EPS15: variants seen among roughly 807,000 people sequenced by gnomAD.
EPS15 encodes epidermal growth factor receptor substrate 15.
Under a neutral mutation model 113.8 loss-of-function variants are expected in EPS15, and 72 were observed. The observed-to-expected ratio is 0.63, with a 90% CI of 0.52 to 0.77. The LOEUF is 0.77. Among genes scored for constraint, EPS15 ranks in the 30% least tolerant of loss-of-function variants. The pLI, the probability that EPS15 is intolerant of heterozygous loss-of-function variation, is 0.00. For synonymous variants in EPS15, 344 were observed against 363.4 expected, an observed-to-expected ratio of 0.95 and a Z score of 0.61; for missense variants, 1,048 against 1,045.8, an observed-to-expected ratio of 1.00 and a Z score of -0.03.
In EPS15 at chr1:51,402,608, C is replaced by G. The variant is rs1378626980; in HGVS notation, c.1792-83G>C. 5.6e-6 allele frequency: 4 copies of G among 717,272 alleles called. No individual in the cohort carries two copies. In the East Asian group the frequency reaches 1.2e-4, roughly 21 times the overall value. The allele number at this position is 717,272 out of a possible 1,614,324, so 44.4% of individuals were successfully genotyped here. The stretch of plus-strand genomic sequence containing the variant: ...ATTTTAAAATAAAATAACACACATT[C>G]AGGTCATACACATGCTTTGAAAAAT... On this transcript the variant is annotated intron_variant, in intron 17 of 24. Coordinates refer to ENST00000371733, the MANE Select transcript of EPS15 (RefSeq NM_001981.3).
rs368903292 is a variant in EPS15 at position 51,483,730 on chromosome 1, C to T, written c.34-2416G>A. Among the ~76,000 whole-genome samples, 159 of 151,498 alleles carry T rather than the reference C, an allele frequency of 1.0e-3. 1 individual carries two copies. The highest frequency in any genetic ancestry group is 3.7e-3 in the African/African-American group (153 of 41,260). ...CTGAGGCAGGGGAATTGCTTGAACCCGGGAGGTGGAGGTTGCAGTGAGCTG... is the reference window on the plus strand; with the variant it reads ...CTGAGGCAGGGGAATTGCTTGAACCTGGGAGGTGGAGGTTGCAGTGAGCTG... On this transcript the variant is annotated intron_variant, in intron 1 of 24. Coordinates refer to ENST00000371733, the MANE Select transcript of EPS15 (RefSeq NM_001981.3).
At chr1:51,422,142 C>CAAG in intron 12 of EPS15, 1 of 751,776 alleles carries the variant, frequency 1.3e-6, no homozygotes. Context: ...TCAGGTTTCA[C>CAAG]TGATGTCACT....
intron 14 of EPS15, 99 bp downstream of exon 14, chr1:51,409,436 C>T (rs1376204721): frequency 4.3e-6 from 5 of 1,170,918 alleles, no homozygotes; most frequent in African/African-American, 3.1e-5. Flanking sequence ...GATTGCCAAC[C>T]ACCACCATCA....
chr1:51,420,366 C>A (rs765173505), intron 13 of EPS15, among the ~76,000 whole-genome samples: 7 of 151,998 alleles, frequency 4.6e-5, no homozygotes, highest in Non-Finnish European at 8.8e-5. Context: ...AGGGAAAAAC[C>A]AACAGGTAGA....
At position 51,430,509 on chromosome 1, in the gene EPS15, A is replaced by G. The variant is rs1455848169; in HGVS notation, c.1041-8651T>C. 2.0e-5 allele frequency among the ~76,000 whole-genome samples: 3 copies of G among 151,406 alleles called. No homozygotes were observed. The East Asian group carries it at 5.8e-4, about 29-fold the overall frequency. On this transcript the variant is annotated intron_variant, in intron 12 of 24. Coordinates refer to ENST00000371733, the MANE Select transcript of EPS15 (RefSeq NM_001981.3). ...CTTGAACCTGAAAGATGGAGGCTGC[A>G]GTGAGCCAAGATCGTGTCACTGCAC... is the stretch of plus-strand genomic sequence containing the variant.
intron 1 of EPS15, among the ~76,000 whole-genome samples, chr1:51,500,098 T>C (rs1270663053): frequency 6.6e-6 from 1 of 152,260 alleles, no homozygotes; most frequent in Non-Finnish European, 1.5e-5. Context: ...TTAAGATTTT[T>C]CCTTCTTGTA....
chr1:51,447,996 T>C (rs765069688), intron 9 of EPS15, 50 bp downstream of exon 9: 2 of 1,600,662 alleles, frequency 1.2e-6, no homozygotes, highest in African/African-American at 1.3e-5. Flanking sequence ...GTAAGATTCC[T>C]TGGCTGATGC....
chr1:51,469,278 G>T (rs1405873577), intron 4 of EPS15, among the ~76,000 whole-genome samples: 2 of 152,152 alleles, frequency 1.3e-5, no homozygotes, highest in African/African-American at 4.8e-5. Flanking sequence ...TGGATTGTGA[G>T]ATTATAAATT....
rs1654417072 is a variant in EPS15 at position 51,461,216 on chromosome 1, A to C, written c.502-66T>G. ...AGTTCATGTTCTACTCGAGGGCAAGAAAAGAAAGTTTATGAGCTAGGAATG... is the reference window on the plus strand; with the variant it reads ...AGTTCATGTTCTACTCGAGGGCAAGCAAAGAAAGTTTATGAGCTAGGAATG... On this transcript the variant is annotated intron_variant, in intron 7 of 24. Coordinates refer to ENST00000371733, the MANE Select transcript of EPS15 (RefSeq NM_001981.3). 12 of 1,211,198 alleles carry C rather than the reference A, an allele frequency of 9.9e-6. No individual in the cohort carries two copies. In the South Asian group the frequency reaches 1.5e-4, roughly 15 times the overall value. 75.0% of individuals were successfully genotyped at this position (1,211,198 alleles called of 1,614,324 possible). A position where few individuals can be genotyped will look rare whatever the true frequency, so the allele number is the denominator to read the frequency against.
Position 51,355,622 on chromosome 1 carries a change from G to A in EPS15, c.*1078C>T, listed in dbSNP as rs1314705231. 3 of 189,468 alleles carry A rather than the reference G, an allele frequency of 1.6e-5. No homozygotes were observed. The highest frequency in any genetic ancestry group is 3.3e-5 in the Non-Finnish European group (3 of 90,870). 11.7% of individuals were successfully genotyped at this position (189,468 alleles called of 1,614,324 possible). A position where few individuals can be genotyped will look rare whatever the true frequency, so the allele number is the denominator to read the frequency against. On this transcript the variant is annotated 3_prime_UTR_variant, in exon 25 of 25. Coordinates refer to ENST00000371733, the MANE Select transcript of EPS15 (RefSeq NM_001981.3). ...GTGAGTAAATAAACTAAACCACAAA[G>A]ATGGACAAAAAGCAATATGATATAA...
chr1:51,515,258 T>TA (rs879334673), intron 1 of EPS15, among the ~76,000 whole-genome samples: 8,029 of 145,546 alleles, frequency 0.055, 670 homozygotes, highest in African/African-American at 0.18. Flanking sequence ...TTTATTACTT[T>TA]AAAAAAAAAA....
At chr1:51,497,089 TATAGA>T (rs1557526066) in intron 1 of EPS15, among the ~76,000 whole-genome samples, 1 of 152,254 alleles carries the variant, frequency 6.6e-6, no homozygotes, top group Admixed American at 6.5e-5. Context: ...CAATGTTACA[TATAGA>T]ATATTTTTTA....
At chr1:51,480,564 G>T (rs903977508) in intron 2 of EPS15, among the ~76,000 whole-genome samples, 32 of 152,080 alleles carry the variant, frequency 2.1e-4, no homozygotes, top group Admixed American at 7.2e-4. Flanking sequence ...GCACAAGCTG[G>T]AGTGCAATGG....
intron 8 of EPS15, among the ~76,000 whole-genome samples, chr1:51,460,288 C>T (rs895692025): frequency 1.5e-4 from 23 of 152,094 alleles, no homozygotes; most frequent in Admixed American, 1.1e-3. Flanking sequence ...TTTTATCAAA[C>T]CTTTAAGGAA....
At chr1:51,518,765 G>T (rs914586777) in intron 1 of EPS15, among the ~76,000 whole-genome samples, 1 of 151,940 alleles carries the variant, frequency 6.6e-6, no homozygotes, top group Non-Finnish European at 1.5e-5. Context: ...CCTGGCGGGC[G>T]AGCCTCGTGC....
intron 13 of EPS15, among the ~76,000 whole-genome samples, chr1:51,410,354 G>A (rs1649589622): frequency 6.7e-6 from 1 of 149,596 alleles, no homozygotes; most frequent in Admixed American, 6.7e-5. Context: ...TCATGCCACA[G>A]CATGCCCAGA....
chr1:51,450,008 C>T (rs563843681), intron 8 of EPS15, among the ~76,000 whole-genome samples: 9 of 151,862 alleles, frequency 5.9e-5, no homozygotes, highest in African/African-American at 2.2e-4. Context: ...GTGCCTGGCC[C>T]GTGGCTGGAT....
intron 1 of EPS15, among the ~76,000 whole-genome samples, chr1:51,511,482 G>A (rs997375663): frequency 1.3e-5 from 2 of 152,144 alleles, no homozygotes; most frequent in African/African-American, 2.4e-5. Flanking sequence ...ACGACAGAGC[G>A]AGACTCTCTC....
intron 12 of EPS15, among the ~76,000 whole-genome samples, chr1:51,436,385 T>C (rs1652153162): frequency 6.8e-6 from 1 of 147,882 alleles, no homozygotes; most frequent in Non-Finnish European, 1.5e-5. Context: ...AGACAAAGGC[T>C]AAAACTAAGA....
Sources: allele counts gnomAD v4.1 joint callset (sites outside exome capture counted in the v4.1 genomes callset), GRCh38; gene constraint gnomAD v4.1.1; transcripts MANE v1.5; gene names NCBI Gene and HGNC (gene_info 2026-07-23, HGNC 2026-07-21).